SSH2: variants seen among roughly 807,000 people sequenced by gnomAD.
SSH2 encodes protein phosphatase Slingshot homolog 2.
A neutral mutation model predicts 135.2 loss-of-function variants in SSH2; 37 were observed. That is an observed-to-expected ratio of 0.27 (90% confidence interval 0.21 to 0.36). The LOEUF (loss-of-function observed/expected upper bound fraction) is 0.36. SSH2 is among the 10% of genes least tolerant of loss of function. The pLI, the probability that SSH2 is intolerant of heterozygous loss-of-function variation, is 1.00. For missense variants in SSH2, 1,408 were observed against 1,765.3 expected (o/e 0.80, Z 3.63); for synonymous variants, 628 against 646.2 (o/e 0.97, Z 0.43).
At chr17:29,923,619 CAA>C (rs1006774135) in intron 1 of SSH2, among the ~76,000 whole-genome samples, 4 of 121,784 alleles carry the variant, frequency 3.3e-5, no homozygotes, top group African/African-American at 3.0e-5. Context: ...GATCCTGCCT[CAA>C]AAAAAAAAAA....
At chr17:29,730,014 G>GT (rs1406594367) in intron 3 of SSH2, among the ~76,000 whole-genome samples, 3 of 152,056 alleles carry the variant, frequency 2.0e-5, no homozygotes, top group African/African-American at 7.2e-5. Context: ...ATAAATTACT[G>GT]TAAGTTTAAA....
intron 5 of SSH2, among the ~76,000 whole-genome samples, chr17:29,691,643 A>C (rs2038480628): frequency 6.6e-6 from 1 of 151,694 alleles, no homozygotes; most frequent in Admixed American, 6.6e-5. Context: ...GGCACCTGCC[A>C]CCACGCCCGG....
intron 4 of SSH2, among the ~76,000 whole-genome samples, chr17:29,701,404 CTTTTTTT>C (rs55721735): frequency 2.2e-5 from 2 of 90,340 alleles, no homozygotes; most frequent in Admixed American, 1.3e-4. Context: ...GTGCCTGGCT[CTTTTTTT>C]TTTTTTTTTT....
intron 3 of SSH2, chr17:29,787,427 CT>C: frequency 1.3e-5 from 2 of 152,264 alleles, no homozygotes; most frequent in South Asian, 4.1e-4. Flanking sequence ...AATAATGTTG[CT>C]ATGAACACGG....
intron 6 of SSH2, among the ~76,000 whole-genome samples, chr17:29,680,551 CAAAAAAAAA>C (rs1160865828): frequency 3.7e-4 from 8 of 21,520 alleles, no homozygotes; most frequent in Admixed American, 2.2e-3. Flanking sequence ...GACTCCCTCT[CAAAAAAAAA>C]AAAAAAAAAA....
At chr17:29,764,066 C>T (rs544005449) in intron 3 of SSH2, among the ~76,000 whole-genome samples, 10 of 151,886 alleles carry the variant, frequency 6.6e-5, no homozygotes, top group East Asian at 1.9e-4. Context: ...TCTCGTGCCT[C>T]GGCTTCCTGA....
chr17:29,753,693 G>A, intron 3 of SSH2, among the ~76,000 whole-genome samples: 1 of 151,276 alleles, frequency 6.6e-6, no homozygotes, highest in Non-Finnish European at 1.5e-5. Flanking sequence ...CTACTCAGGA[G>A]GCTGAGGCAG....
intron 1 of SSH2, among the ~76,000 whole-genome samples, chr17:29,913,347 A>AAAAAAAAAAATTATATATATATATAT: frequency 3.5e-5 from 1 of 28,778 alleles, no homozygotes; most frequent in Non-Finnish European, 5.9e-5. Context: ...AAAAAAAAAA[A>AAAAAAAAAAATTATATATATATATAT]ATATATATAT....
intron 3 of SSH2, among the ~76,000 whole-genome samples, chr17:29,770,046 G>T (rs2041535630): frequency 6.8e-6 from 1 of 147,688 alleles, no homozygotes; most frequent in African/African-American, 2.5e-5. Flanking sequence ...AACACAATCA[G>T]TGTATCAGTG....
intron 3 of SSH2, among the ~76,000 whole-genome samples, chr17:29,710,898 C>T (rs2039409348): frequency 1.3e-5 from 2 of 152,166 alleles, no homozygotes; most frequent in African/African-American, 4.8e-5. Flanking sequence ...AATCCAAACT[C>T]ATATATTGTA....
intron 2 of SSH2, among the ~76,000 whole-genome samples, 179 bp from the exon 3 acceptor site, chr17:29,794,116 A>G (rs1009627200): frequency 6.6e-6 from 1 of 152,230 alleles, no homozygotes; most frequent in Non-Finnish European, 1.5e-5. Context: ...AGTTGATGTC[A>G]ATAGAACTTA....
intron 11 of SSH2, among the ~76,000 whole-genome samples, chr17:29,666,536 A>G (rs375048285): frequency 6.6e-6 from 1 of 151,872 alleles, no homozygotes; most frequent in Admixed American, 6.6e-5. Flanking sequence ...TACAAAAATT[A>G]GCTGGGTGTG....
At chr17:29,795,350 T>C (rs1232840695) in intron 2 of SSH2, among the ~76,000 whole-genome samples, 4 of 152,246 alleles carry the variant, frequency 2.6e-5, no homozygotes, top group Non-Finnish European at 5.9e-5. Flanking sequence ...ATTTCAAACA[T>C]GTCTTTCTCT....
At chr17:29,913,978 C>A (rs2066835338) in intron 1 of SSH2, among the ~76,000 whole-genome samples, 1 of 152,082 alleles carries the variant, frequency 6.6e-6, no homozygotes, top group African/African-American at 2.4e-5. Context: ...CAATATAAAA[C>A]CACAGCATCT....
intron 3 of SSH2, among the ~76,000 whole-genome samples, chr17:29,756,263 C>CAA (rs1375228462): frequency 2.1e-4 from 17 of 82,678 alleles, no homozygotes; most frequent in South Asian, 3.7e-4. Flanking sequence ...GACTCTGTCT[C>CAA]AAAAAAAAAA....
intron 3 of SSH2, among the ~76,000 whole-genome samples, chr17:29,732,558 A>T (rs911156955): frequency 5.3e-5 from 8 of 152,234 alleles, no homozygotes; most frequent in Non-Finnish European, 1.0e-4. Context: ...CAGAACAAAA[A>T]GTGTTCCTAT....
chr17:29,925,052 A>G (rs1170388937), intron 1 of SSH2, among the ~76,000 whole-genome samples: 1 of 152,174 alleles, frequency 6.6e-6, no homozygotes, highest in Non-Finnish European at 1.5e-5. Context: ...ACTTACTTCT[A>G]TGCAGTTATT....
intron 1 of SSH2, among the ~76,000 whole-genome samples, chr17:29,899,703 C>T (rs1179964718): frequency 6.6e-6 from 1 of 152,124 alleles, no homozygotes. Context: ...GGCCATACTG[C>T]CCAAGGTAAT....
chr17:29,808,140 G>A (rs1302184454), intron 2 of SSH2, among the ~76,000 whole-genome samples: 1 of 151,674 alleles, frequency 6.6e-6, no homozygotes. Context: ...TTTTTGTTTT[G>A]TTTTTGAGAC....
Sources: gnomAD v4.1 joint callset for allele counts (sites outside exome capture counted in the v4.1 genomes callset) on GRCh38, gnomAD v4.1.1 for gene constraint, MANE v1.5 for transcripts, NCBI Gene and HGNC (gene_info 2026-07-23, HGNC 2026-07-21) for gene names.